The following NFASC variants were observed in gnomAD, a reference collection of about 807,000 sequenced individuals.
NFASC encodes neurofascin.
In NFASC, 43 loss-of-function variants were observed where a neutral mutation model predicts 147.5. The ratio of observed to expected loss-of-function variants is 0.29; its 90% CI spans 0.23 to 0.38. The LOEUF (loss-of-function observed/expected upper bound fraction) is 0.38. NFASC is among the 10% of genes least tolerant of loss of function. NFASC has a pLI of 1.00. For synonymous variants in NFASC, 622 were observed against 665.5 expected, an observed-to-expected ratio of 0.93 and a Z score of 1.01; for missense variants, 1,320 against 1,689.0, an observed-to-expected ratio of 0.78 and a Z score of 3.83.
rs1468273830 is a variant in NFASC, at chr1:204,957,381, G to A, written c.536-275G>A. On this transcript the variant is annotated intron_variant, in intron 7 of 29. Coordinates refer to ENST00000339876, the MANE Select transcript of NFASC (RefSeq NM_001005388.3). ...TGGCGTGAACAGGAAAGAGAAAAGTGTGGTCATAGAACATGGACATGGTGG... is the reference window on the plus strand; with the variant it reads ...TGGCGTGAACAGGAAAGAGAAAAGTATGGTCATAGAACATGGACATGGTGG... Among the ~76,000 whole-genome samples, 3 of 152,198 alleles carry A rather than the reference G, an allele frequency of 2.0e-5. 1 individual carries two copies.
At position 204,974,791 on chromosome 1, in the gene NFASC, A is replaced by G; in HGVS notation, c.1526A>G (p.Lys509Arg). The G allele has an allele frequency of 1.2e-6, 2 of 1,614,244 alleles. No individual in the cohort carries two copies. The highest frequency in any genetic ancestry group is 1.7e-6 in the Non-Finnish European group (2 of 1,180,036). Residue 509 changes from lysine (K) to arginine (R), a missense_variant, in exon 14 of 30, where the codon AAA becomes AGA. Transcript: ENST00000339876. ...TGTGTCGCCACCAACATCCTGGGCA[A>G]AGCTGAAAACCAAGTCCGCCTGGAG... Reference protein sequence around the residue: ...YTCVATNILGKAENQVRLEVK... With the variant: ...YTCVATNILGRAENQVRLEVK...
At position 204,987,337 on chromosome 1, in the gene NFASC, C is replaced by A; in HGVS notation, c.2471-81C>A. 2 of 1,382,222 alleles carry A rather than the reference C, an allele frequency of 1.4e-6. No individual in the cohort carries two copies. Among genetic ancestry groups the A allele is most frequent in the Non-Finnish European group, 2.0e-6 (2 of 993,140 alleles). The allele number at this position is 1,382,222 out of a possible 1,614,324, so 85.6% of individuals were successfully genotyped here. On this transcript the variant is annotated intron_variant, in intron 21 of 29. Coordinates refer to ENST00000339876, the MANE Select transcript of NFASC (RefSeq NM_001005388.3). This position sits in a 1 kb window ranked among gnomAD's most constrained non-coding sequence, Gnocchi z 4.4. ...TTGTCCAGAGGTCAATGCCTTCATA[C>A]TTGTGCTTTGTTTTTTGTGTTTTCC... is the stretch of plus-strand genomic sequence containing the variant.
chr1:204,937,063 G>C (rs934221675), intron 2 of NFASC, among the ~76,000 whole-genome samples: 18 of 152,104 alleles, frequency 1.2e-4, no homozygotes, highest in African/African-American at 3.9e-4. Flanking sequence ...TCAGGTCTTG[G>C]TCAGATGGCA....
intron 27 of NFASC, among the ~76,000 whole-genome samples, chr1:205,008,056 G>T (rs12135208): frequency 0.13 from 19,545 of 152,078 alleles, 1,333 homozygotes; most frequent in African/African-American, 0.16. Flanking sequence ...AGCCCGGGGC[G>T]CCCTGGGCAA....
intron 12 of NFASC, among the ~76,000 whole-genome samples, 183 bp from the exon 13 acceptor site, chr1:204,973,996 A>G (rs2095335573): frequency 6.6e-6 from 1 of 152,324 alleles, no homozygotes; most frequent in South Asian, 2.1e-4. Context: ...CAGAGGACGT[A>G]GTAAGCTTCT....
chr1:204,842,700 C>T (rs1675709216), intron 1 of NFASC, among the ~76,000 whole-genome samples: 1 of 152,252 alleles, frequency 6.6e-6, no homozygotes. Context: ...TATTCCAGCA[C>T]AACCTGTCCT....
chr1:204,853,899 G>A (rs1318858171), intron 1 of NFASC, among the ~76,000 whole-genome samples: 4 of 152,204 alleles, frequency 2.6e-5, no homozygotes, highest in African/African-American at 9.6e-5. Flanking sequence ...ATAGGGGAGA[G>A]AGGGGGAGGA....
rs575729305 is a variant in NFASC at position 204,890,562 on chromosome 1, G to A, written c.-199-30070G>A. Among the ~76,000 whole-genome samples, 3 of 148,498 alleles carry A rather than the reference G, an allele frequency of 2.0e-5. 1 individual carries two copies. The South Asian group carries it at 6.3e-4, about 31-fold the overall frequency. On this transcript the variant is annotated intron_variant, in intron 1 of 29. Transcript: ENST00000339876. Reference sequence around the variant, plus strand: ...CCTGGTGTCTTTGGAAAGCAGGGAGGCACTTTTTTTTTTTTCTTTTTTTTT... The same window carrying A: ...CCTGGTGTCTTTGGAAAGCAGGGAGACACTTTTTTTTTTTTCTTTTTTTTT...
intron 17 of NFASC, among the ~76,000 whole-genome samples, chr1:204,978,688 G>A (rs188032161): frequency 1.9e-4 from 29 of 152,292 alleles, no homozygotes; most frequent in South Asian, 4.1e-4. Flanking sequence ...ACGGAATGGC[G>A]TTGGTCCCAG....
At chr1:204,900,536 A>G (rs917515276) in intron 1 of NFASC, among the ~76,000 whole-genome samples, 19 of 152,360 alleles carry the variant, frequency 1.2e-4, no homozygotes, top group African/African-American at 4.3e-4. Flanking sequence ...GCAGTAAACA[A>G]AACAGATAGA....
intron 1 of NFASC, among the ~76,000 whole-genome samples, chr1:204,887,949 C>A (rs2081634036): frequency 6.6e-6 from 1 of 152,126 alleles, no homozygotes; most frequent in Non-Finnish European, 1.5e-5. Context: ...CAGCTCTGTT[C>A]TTAATAAATT....
chr1:204,923,228 C>T (rs188864103), intron 2 of NFASC, among the ~76,000 whole-genome samples: 1 of 152,266 alleles, frequency 6.6e-6, no homozygotes, highest in African/African-American at 2.4e-5. Context: ...GCTCTGAAAC[C>T]GCCTAAGGAG....
chr1:204,971,893 C>T (rs915306576), intron 11 of NFASC, among the ~76,000 whole-genome samples: 2 of 152,236 alleles, frequency 1.3e-5, no homozygotes, highest in Non-Finnish European at 2.9e-5. Flanking sequence ...CTAAACTTTA[C>T]AGCACCATTC....
intron 1 of NFASC, among the ~76,000 whole-genome samples, chr1:204,918,193 A>G (rs1009905688): frequency 6.6e-6 from 1 of 152,244 alleles, no homozygotes; most frequent in Non-Finnish European, 1.5e-5. Flanking sequence ...TAATATGGTT[A>G]TTGAAAACAG....
chr1:204,869,883 T>C (rs1195661926), intron 1 of NFASC, among the ~76,000 whole-genome samples: 1 of 152,256 alleles, frequency 6.6e-6, no homozygotes, highest in Non-Finnish European at 1.5e-5. Context: ...TTATAAACAA[T>C]ATTCTGCTGA....
intron 2 of NFASC, among the ~76,000 whole-genome samples, chr1:204,934,137 CAAA>C (rs10633193): frequency 8.8e-6 from 1 of 113,536 alleles, no homozygotes; most frequent in African/African-American, 3.4e-5. Flanking sequence ...GACTCCATTT[CAAA>C]AAAAAAAAAA....
intron 3 of NFASC, among the ~76,000 whole-genome samples, chr1:204,949,053 C>G (rs1361720272): frequency 6.6e-6 from 1 of 152,256 alleles, no homozygotes; most frequent in East Asian, 1.9e-4. Flanking sequence ...TGCTTTCCCC[C>G]TGGACTTTTC....
intron 4 of NFASC, among the ~76,000 whole-genome samples, chr1:204,951,413 C>T (rs920313448): frequency 6.6e-6 from 1 of 150,686 alleles, no homozygotes; most frequent in African/African-American, 2.4e-5. Context: ...ATCCATCCGC[C>T]TCAGCCTCTC....
chr1:204,940,459 A>C (rs1387311391), intron 2 of NFASC, among the ~76,000 whole-genome samples: 1 of 152,218 alleles, frequency 6.6e-6, no homozygotes, highest in Non-Finnish European at 1.5e-5. Flanking sequence ...TCTCAAAAAT[A>C]AATTAATTAA....
Sources: gnomAD v4.1 joint callset for allele counts (sites outside exome capture counted in the v4.1 genomes callset) on GRCh38, gnomAD v4.1.1 for gene constraint, Gnocchi (gnomAD v3.1) non-coding constraint, MANE v1.5 for transcripts, NCBI Gene and HGNC (gene_info 2026-07-23, HGNC 2026-07-21) for gene names.